The following PLPP3 variants were observed in gnomAD, a reference collection of about 807,000 sequenced individuals.
The protein encoded by PLPP3 is PAP2 beta.
A neutral mutation model predicts 29.6 loss-of-function variants in PLPP3; 6 were observed. That is an observed-to-expected ratio of 0.20 (90% CI 0.11 to 0.40). PLPP3 has a LOEUF of 0.40. PLPP3 is among the 10% of genes least tolerant of loss of function. PLPP3 has a pLI of 1.00. For synonymous variants in PLPP3, 152 were observed against 159.7 expected (o/e 0.95, Z 0.36); for missense variants, 308 against 407.7 (o/e 0.76, Z 2.11).
intron 4 of PLPP3, among the ~76,000 whole-genome samples, chr1:56,522,705 G>C (rs1427266444): frequency 6.6e-6 from 1 of 152,174 alleles, no homozygotes; most frequent in Non-Finnish European, 1.5e-5. Context: ...CAAACTTTCT[G>C]CTGTTTTTCC....
chr1:56,522,700 T>C (rs1645827369), intron 4 of PLPP3, among the ~76,000 whole-genome samples: 1 of 152,184 alleles, frequency 6.6e-6, no homozygotes. Context: ...TAAAACAAAC[T>C]TTCTGCTGTT....
chr1:56,536,942 T>TC lies in PLPP3; in HGVS notation c.297+12dup. On this transcript the variant is annotated intron_variant, in intron 2 of 5. Transcript: ENST00000371250. ...TCAGACAGGATCCACCATAGCAGAG[T>TC]CTGGACACTTACCGCGAGGATGGCA... The TC allele has an allele frequency of 6.2e-7, 1 of 1,613,064 alleles. No homozygotes were observed. Among genetic ancestry groups the TC allele is most frequent in the Non-Finnish European group, 8.5e-7 (1 of 1,179,468 alleles).
chr1:56,558,186 CTG>C (rs1646097526), intron 1 of PLPP3, among the ~76,000 whole-genome samples: 1 of 152,190 alleles, frequency 6.6e-6, no homozygotes, highest in African/African-American at 2.4e-5. Context: ...TACCAGAAGA[CTG>C]AGAACTTCTT....
At chr1:56,529,680 C>G (rs145831170) in intron 2 of PLPP3, among the ~76,000 whole-genome samples, 1 of 152,272 alleles carries the variant, frequency 6.6e-6, no homozygotes, top group East Asian at 1.9e-4. Context: ...TAAAGTGCAG[C>G]GTCTTTAGTA....
chr1:56,556,944 G>C (rs1445387428), intron 1 of PLPP3, among the ~76,000 whole-genome samples: 2 of 101,858 alleles, frequency 2.0e-5, no homozygotes, highest in South Asian at 3.2e-4. Context: ...GAGAGAGAGA[G>C]AGACAGAGAG....
chr1:56,536,972 C>T lies in PLPP3; in HGVS notation c.280G>A (p.Val94Ile), dbSNP rs143533558. ...NDAVLCAVGI[V>I]IAILAIITGE... Reference sequence around the variant, plus strand: ...ACACTTACCGCGAGGATGGCAATGACGATCCCCACGGCACAGAGCACAGCG... The same window carrying T: ...ACACTTACCGCGAGGATGGCAATGATGATCCCCACGGCACAGAGCACAGCG... Residue 94 changes from valine to isoleucine, a missense_variant, in exon 2 of 6, where the codon GTC (valine) becomes ATC (isoleucine). Val to Ile is a conservative substitution (Grantham distance 29). Around this residue, in one of 3 missense-constraint regions of PLPP3, gnomAD observed 232 missense variants for 317.2 expected, o/e 0.73. Transcript: ENST00000371250. 2.2e-4 allele frequency: 348 copies of T among 1,613,532 alleles called. No homozygotes were observed. Among genetic ancestry groups the T allele is most frequent in the Middle Eastern group, 8.3e-4 (5 of 6,052 alleles).
intron 5 of PLPP3, among the ~76,000 whole-genome samples, chr1:56,501,149 AAAG>A (rs1202844977): frequency 6.6e-6 from 1 of 152,170 alleles, no homozygotes; most frequent in Non-Finnish European, 1.5e-5. Context: ...CAGTAAAGAC[AAAG>A]AAGAAGAGAT....
intron 4 of PLPP3, chr1:56,516,934 C>A (rs1645785187): frequency 6.6e-6 from 1 of 152,198 alleles, no homozygotes; most frequent in Non-Finnish European, 1.5e-5. Flanking sequence ...ACCTTCAGAA[C>A]TAGGGTCTTG....
intron 4 of PLPP3, chr1:56,516,907 T>C (rs564867763): frequency 1.3e-5 from 2 of 152,344 alleles, no homozygotes; most frequent in Admixed American, 1.3e-4. Flanking sequence ...TGCAGTTCTC[T>C]TCTCCTTCTT....
At chr1:56,515,432 C>G (rs1370885390) in intron 4 of PLPP3, among the ~76,000 whole-genome samples, 2 of 152,136 alleles carry the variant, frequency 1.3e-5, no homozygotes, top group Admixed American at 6.5e-5. Context: ...TGTTTCCCAA[C>G]CGGACAAAGC....
At chr1:56,507,988 C>T (rs979571591) in intron 5 of PLPP3, among the ~76,000 whole-genome samples, 2 of 152,186 alleles carry the variant, frequency 1.3e-5, no homozygotes, top group East Asian at 1.9e-4. Flanking sequence ...CCCCTTAGAT[C>T]CTCTAGATGG....
At chr1:56,519,858 A>G (rs1645807394) in intron 4 of PLPP3, among the ~76,000 whole-genome samples, 1 of 151,958 alleles carries the variant, frequency 6.6e-6, no homozygotes, top group Non-Finnish European at 1.5e-5. Flanking sequence ...TTCCAAGCTC[A>G]TCATTTGGCA....
chr1:56,539,186 A>C (rs1451544789), intron 1 of PLPP3, among the ~76,000 whole-genome samples: 4 of 152,184 alleles, frequency 2.6e-5, no homozygotes, highest in Non-Finnish European at 5.9e-5. Context: ...ATTTCATTCA[A>C]ATGTGAATTT....
chr1:56,532,472 G>A (rs1219080930), intron 2 of PLPP3, among the ~76,000 whole-genome samples: 1 of 152,092 alleles, frequency 6.6e-6, no homozygotes, highest in Non-Finnish European at 1.5e-5. Flanking sequence ...GATAAAGGGA[G>A]ATGGAGGGGT....
intron 4 of PLPP3, chr1:56,513,589 C>T (rs1185875584): frequency 6.6e-6 from 1 of 152,188 alleles, no homozygotes; most frequent in Non-Finnish European, 1.5e-5. Flanking sequence ...CATTCTTAGC[C>T]ATAAGTGTCT....
chr1:56,553,917 T>C (rs1646056417), intron 1 of PLPP3, among the ~76,000 whole-genome samples: 1 of 152,134 alleles, frequency 6.6e-6, no homozygotes, highest in South Asian at 2.1e-4. Flanking sequence ...GCTCAGTAAA[T>C]GTTACTCTTA....
chr1:56,500,056 A>C (rs1645656870), intron 5 of PLPP3, among the ~76,000 whole-genome samples: 1 of 152,256 alleles, frequency 6.6e-6, no homozygotes, highest in Non-Finnish European at 1.5e-5. Context: ...GAAGAGATCT[A>C]AGTTACGATG....
At chr1:56,571,433 C>T (rs1244668214) in intron 1 of PLPP3, among the ~76,000 whole-genome samples, 2 of 152,152 alleles carry the variant, frequency 1.3e-5, no homozygotes, top group Non-Finnish European at 2.9e-5. Context: ...TCCAGTCTGA[C>T]TCCAAAGCCC....
intron 1 of PLPP3, among the ~76,000 whole-genome samples, chr1:56,577,726 T>G (rs1377006687): frequency 6.6e-6 from 1 of 152,142 alleles, no homozygotes; most frequent in African/African-American, 2.4e-5. Context: ...TTAGCAGAGT[T>G]GGCAGAACAG....
Sources: allele counts gnomAD v4.1 joint callset (sites outside exome capture counted in the v4.1 genomes callset), GRCh38; gene constraint gnomAD v4.1.1; regional missense constraint gnomAD v4.1.1; transcripts MANE v1.5; gene names NCBI Gene and HGNC (gene_info 2026-07-23, HGNC 2026-07-21).